DLG2: variants seen among roughly 807,000 people sequenced by gnomAD.
The protein encoded by DLG2 is disks large homolog 2.
A neutral mutation model predicts 132.5 loss-of-function variants in DLG2; 45 were observed. The ratio of observed to expected loss-of-function variants is 0.34; its 90% CI spans 0.27 to 0.44. The LOEUF (loss-of-function observed/expected upper bound fraction) is 0.44. Ranked by LOEUF, DLG2 falls within the 20% of genes least tolerant of loss-of-function variation. The probability of loss-of-function intolerance (pLI) is 1.00; values close to 1 mark genes in which losing one functional copy is unlikely to be tolerated. For missense variants in DLG2, 1,045 were observed against 1,196.9 expected, an observed-to-expected ratio of 0.87 and a Z score of 1.87; for synonymous variants, 424 against 419.6, an observed-to-expected ratio of 1.01 and a Z score of -0.13.
chr11:84,454,421 A>T (rs1411541723), intron 7 of DLG2, among the ~76,000 whole-genome samples: 2 of 151,558 alleles, frequency 1.3e-5, no homozygotes, highest in Non-Finnish European at 3.0e-5. Context: ...CAACCACTTC[A>T]GAAATGTTTG....
intron 6 of DLG2, among the ~76,000 whole-genome samples, chr11:84,585,314 T>C (rs1029019129): frequency 2.6e-5 from 4 of 152,194 alleles, no homozygotes; most frequent in African/African-American, 9.7e-5. Flanking sequence ...GTTAGTAAAT[T>C]GGCTCTAGAA....
At chr11:83,669,763 G>T (rs986205634) in intron 18 of DLG2, among the ~76,000 whole-genome samples, 1 of 152,158 alleles carries the variant, frequency 6.6e-6, no homozygotes, top group Non-Finnish European at 1.5e-5. Flanking sequence ...AACATGAAAA[G>T]CTATCATGTA....
At chr11:84,853,187 A>G (rs1392277178) in intron 6 of DLG2, among the ~76,000 whole-genome samples, 1 of 151,794 alleles carries the variant, frequency 6.6e-6, no homozygotes, top group East Asian at 1.9e-4. Context: ...TTTTTAAAAG[A>G]CTCTGAATAA....
chr11:83,881,225 T>C (rs187885267), intron 15 of DLG2, among the ~76,000 whole-genome samples: 1 of 152,260 alleles, frequency 6.6e-6, no homozygotes, highest in East Asian at 1.9e-4. Flanking sequence ...TAACATGGAC[T>C]TTTACAATTT....
chr11:83,905,007 G>T, intron 15 of DLG2, among the ~76,000 whole-genome samples: 1 of 152,104 alleles, frequency 6.6e-6, no homozygotes, highest in South Asian at 2.1e-4. Flanking sequence ...GTCCTTCATT[G>T]TTCTTGACAT....
intron 6 of DLG2, among the ~76,000 whole-genome samples, chr11:84,844,141 A>G (rs1306024733): frequency 3.2e-3 from 174 of 53,540 alleles, no homozygotes; most frequent in African/African-American, 8.4e-3. Context: ...GTGTGTATAT[A>G]TATATATATA....
intron 19 of DLG2, among the ~76,000 whole-genome samples, chr11:83,553,886 T>G (rs1460809360): frequency 1.8e-5 from 2 of 109,292 alleles, no homozygotes; most frequent in East Asian, 5.5e-4. Context: ...AGCACAATCT[T>G]TTCTTTTTTT....
At chr11:85,066,339 G>C (rs930234291) in intron 6 of DLG2, among the ~76,000 whole-genome samples, 52 of 151,640 alleles carry the variant, frequency 3.4e-4, no homozygotes, top group African/African-American at 1.2e-3. Flanking sequence ...CAGTGACAGA[G>C]GGATTCATAG....
At chr11:83,572,741 C>A (rs973686018) in intron 19 of DLG2, among the ~76,000 whole-genome samples, 3 of 152,160 alleles carry the variant, frequency 2.0e-5, no homozygotes, top group Admixed American at 2.0e-4. Context: ...AGAGGCAGCT[C>A]ACTCCTTAGT....
chr11:83,772,087 G>C (rs1242607454), intron 18 of DLG2, among the ~76,000 whole-genome samples: 1 of 152,124 alleles, frequency 6.6e-6, no homozygotes, highest in African/African-American at 2.4e-5. Context: ...ATCTACAGAA[G>C]ATTGGTTATT....
chr11:84,171,055 C>T (rs571034481), intron 8 of DLG2, among the ~76,000 whole-genome samples: 2 of 152,156 alleles, frequency 1.3e-5, no homozygotes, highest in East Asian at 3.9e-4. Context: ...TGGCTCCACT[C>T]GAGGACATTA....
chr11:84,819,434 A>T (rs1175923510), intron 6 of DLG2, among the ~76,000 whole-genome samples: 4 of 151,886 alleles, frequency 2.6e-5, no homozygotes, highest in Non-Finnish European at 5.9e-5. Context: ...TCAGATTCAA[A>T]TGTCACAGGT....
At chr11:83,588,944 A>G (rs2097140531) in intron 19 of DLG2, among the ~76,000 whole-genome samples, 1 of 149,028 alleles carries the variant, frequency 6.7e-6, no homozygotes, top group Non-Finnish European at 1.5e-5. Context: ...TAGAGAAAAA[A>G]GAATAAAAAG....
chr11:85,042,478 GTTAA>G (rs763972089), intron 6 of DLG2, among the ~76,000 whole-genome samples: 18 of 152,046 alleles, frequency 1.2e-4, no homozygotes, highest in African/African-American at 3.9e-4. Flanking sequence ...TTTAAAATGG[GTTAA>G]TTAATCTGCT....
chr11:84,398,117 A>G (rs1407042682), intron 7 of DLG2, among the ~76,000 whole-genome samples: 2 of 152,358 alleles, frequency 1.3e-5, no homozygotes, highest in East Asian at 3.9e-4. Context: ...TTTTGCTACA[A>G]TTCTTTTAAC....
At chr11:84,630,258 T>C (rs79712499) in intron 6 of DLG2, among the ~76,000 whole-genome samples, 6,537 of 152,224 alleles carry the variant, frequency 0.043, 346 homozygotes, top group African/African-American at 0.13. Context: ...AGCCTATGTC[T>C]GAGTAAATAA....
At chr11:83,512,436 A>G (rs1296886029) in intron 21 of DLG2, among the ~76,000 whole-genome samples, 2 of 152,246 alleles carry the variant, frequency 1.3e-5, no homozygotes, top group East Asian at 1.9e-4. Context: ...AAATTTTTCT[A>G]CAGAAATCAC....
intron 6 of DLG2, among the ~76,000 whole-genome samples, chr11:84,855,336 G>A (rs372361551): frequency 1.3e-5 from 2 of 152,148 alleles, no homozygotes; most frequent in African/African-American, 4.8e-5. Context: ...AATAATGAAT[G>A]CAGCTCCTTA....
intron 6 of DLG2, among the ~76,000 whole-genome samples, chr11:84,659,406 C>A (rs1413479757): frequency 6.6e-6 from 1 of 152,114 alleles, no homozygotes; most frequent in East Asian, 1.9e-4. Flanking sequence ...ATGTCATCCT[C>A]TTAATATATC....
Sources: gnomAD v4.1 joint callset for allele counts (sites outside exome capture counted in the v4.1 genomes callset) on GRCh38, gnomAD v4.1.1 for gene constraint, MANE v1.5 for transcripts, NCBI Gene and HGNC (gene_info 2026-07-23, HGNC 2026-07-21) for gene names.